SLCO1C1: variants seen among roughly 807,000 people sequenced by gnomAD.
SLCO1C1 encodes solute carrier organic anion transporter family member 1C1.
SLCO1C1 carries 70 observed loss-of-function variants against 76.4 expected under a neutral mutation model. That is an observed-to-expected ratio of 0.92 (90% CI 0.76 to 1.12). The LOEUF is 1.12. Ranked by LOEUF, SLCO1C1 falls within the 50% of genes most tolerant of loss-of-function variation. The pLI is 0.00. For synonymous variants in SLCO1C1, 306 were observed against 286.1 expected (o/e 1.07, Z -0.70); for missense variants, 912 against 823.8 (o/e 1.11, Z -1.31).
At chr12:20,735,469 TC>T (rs1270544836) in intron 10 of SLCO1C1, among the ~76,000 whole-genome samples, 21 of 152,166 alleles carry the variant, frequency 1.4e-4, no homozygotes, top group Non-Finnish European at 2.1e-4. Context: ...CCTTCTATAA[TC>T]TCAGCCCTAC....
At chr12:20,722,943 A>G (rs1264078428) in intron 8 of SLCO1C1, 147 bp from the exon 9 acceptor site, 1 of 664,280 alleles carries the variant, frequency 1.5e-6, no homozygotes, top group Middle Eastern at 4.1e-4. Flanking sequence ...GGCTTACTAT[A>G]TACATAGTGT....
chr12:20,737,268 A>G lies in SLCO1C1; in HGVS notation c.1544A>G (p.Asn515Ser). 6.4e-7 allele frequency: 1 copy of G among 1,555,492 alleles called. No homozygotes were observed. Among genetic ancestry groups the G allele is most frequent in the East Asian group, 2.5e-5 (1 of 40,732 alleles). The stretch of plus-strand genomic sequence containing the variant: ...CAAACCTCCAACAGGAGTGGAAAAA[A>G]TATTGTAAGAAATCACCTCTCAAGT... ...GCQTSNRSGK[N>S]IIFYNCTCVG... Residue 515 changes from asparagine (N) to serine (S), a missense_variant, in exon 11 of 15, where the codon AAT (asparagine) becomes AGT (serine). Asn to Ser is a conservative substitution (Grantham distance 46). Coordinates refer to ENST00000266509, the MANE Select transcript of SLCO1C1 (RefSeq NM_017435.5).
intron 3 of SLCO1C1, among the ~76,000 whole-genome samples, chr12:20,702,632 C>G (rs1002583210): frequency 1.3e-5 from 2 of 151,828 alleles, no homozygotes; most frequent in East Asian, 3.9e-4. Flanking sequence ...ATGTAATTTG[C>G]TTAGATTGGC....
intron 1 of SLCO1C1, among the ~76,000 whole-genome samples, chr12:20,697,743 A>C (rs1260275377): frequency 2.0e-5 from 3 of 152,130 alleles, no homozygotes; most frequent in Non-Finnish European, 2.9e-5. Context: ...CTTTTAGAAT[A>C]ATTCTAATCA....
intron 13 of SLCO1C1, among the ~76,000 whole-genome samples, chr12:20,746,207 A>T (rs142449318): frequency 1.3e-5 from 2 of 152,312 alleles, no homozygotes; most frequent in East Asian, 3.9e-4. Flanking sequence ...ATTGAAACTC[A>T]AAATAGTAGC....
At chr12:20,741,819 T>C (rs1049481397) in intron 12 of SLCO1C1, among the ~76,000 whole-genome samples, 7 of 152,190 alleles carry the variant, frequency 4.6e-5, no homozygotes, top group African/African-American at 1.7e-4. Flanking sequence ...CTTAAAATAA[T>C]AAAAATTTTG....
chr12:20,726,461 C>T (rs1338464835), intron 9 of SLCO1C1, among the ~76,000 whole-genome samples: 1 of 152,016 alleles, frequency 6.6e-6, no homozygotes, highest in Non-Finnish European at 1.5e-5. Flanking sequence ...AAATGTTAGC[C>T]ACATTCTTTC....
chr12:20,715,756 A>G (rs996506615), intron 6 of SLCO1C1, among the ~76,000 whole-genome samples: 1 of 152,220 alleles, frequency 6.6e-6, no homozygotes, highest in African/African-American at 2.4e-5. Context: ...TTGAGATCTC[A>G]AAAGCAGGTA....
chr12:20,743,453 A>G, intron 13 of SLCO1C1, 84 bp downstream of exon 13: 1 of 1,090,178 alleles, frequency 9.2e-7, no homozygotes, highest in Middle Eastern at 2.4e-4. Context: ...CAGAATTGCC[A>G]TGCATAAATA....
intron 6 of SLCO1C1, among the ~76,000 whole-genome samples, chr12:20,715,744 TC>T (rs1429997386): frequency 6.6e-6 from 1 of 152,102 alleles, no homozygotes; most frequent in African/African-American, 2.4e-5. Context: ...CAACAAGAAA[TC>T]TTGAGATCTC....
chr12:20,721,841 A>C lies in SLCO1C1; in HGVS notation c.813A>C (p.Val271=). The C allele has an allele frequency of 6.2e-7, 1 of 1,614,180 alleles. No individual in the cohort carries two copies. Among genetic ancestry groups the C allele is most frequent in the East Asian group, 2.2e-5 (1 of 44,868 alleles). ...TTACCCCAAAAGATCCCCAGTGGGT[A>C]GGAGCCTGGTGGCTTGGCTATCTAA... ...ITITPKDPQW[V]GAWWLGYLIA... Residue 271 remains valine (V), a synonymous_variant, in exon 8 of 15, where the codon GTA becomes GTC. Coordinates refer to ENST00000266509, the MANE Select transcript of SLCO1C1 (RefSeq NM_017435.5).
At chr12:20,701,566 T>TCTATTC in intron 3 of SLCO1C1, 107 bp downstream of exon 3, 1 of 679,622 alleles carries the variant, frequency 1.5e-6, no homozygotes, top group Non-Finnish European at 2.0e-6. Context: ...ACTCTATTCA[T>TCTATTC]AAAATCTTTT....
At chr12:20,708,212 A>G (rs1466158537) in intron 4 of SLCO1C1, among the ~76,000 whole-genome samples, 2 of 152,162 alleles carry the variant, frequency 1.3e-5, no homozygotes, top group African/African-American at 4.8e-5. Context: ...AAAGCTATTA[A>G]TCATGGATAG....
rs773256210 is a variant in SLCO1C1, at chr12:20,740,350, G to T, written c.1715G>T (p.Gly572Val). 6.2e-7 allele frequency: 1 copy of T among 1,613,010 alleles called. No homozygotes were observed. Among genetic ancestry groups the T allele is most frequent in the South Asian group, 1.1e-5 (1 of 90,892 alleles). The change falls in exon 12 of 15, where the codon GGA becomes GTA. Residue 572 changes from glycine (G) to valine (V), a missense_variant. Coordinates refer to ENST00000266509, the MANE Select transcript of SLCO1C1 (RefSeq NM_017435.5). ...SYTLSLGGIP[G>V]YILLLRCIKP... The stretch of plus-strand genomic sequence containing the variant: ...ACTTTATCCCTAGGTGGCATACCTG[G>T]ATACATATTACTTCTGAGGTGAGTA...
At chr12:20,721,688 A>T in intron 7 of SLCO1C1, 116 bp from the exon 8 acceptor site, 1 of 1,267,252 alleles carries the variant, frequency 7.9e-7, no homozygotes, top group Non-Finnish European at 1.1e-6. Context: ...AGCATAGATG[A>T]ATTATTAGGT....
intron 10 of SLCO1C1, among the ~76,000 whole-genome samples, chr12:20,733,784 T>C (rs1226453145): frequency 6.6e-6 from 1 of 152,156 alleles, no homozygotes; most frequent in African/African-American, 2.4e-5. Context: ...AGGCCTCTCA[T>C]CTTGTATGGG....
At chr12:20,750,410 T>C (rs1487916654) in intron 13 of SLCO1C1, among the ~76,000 whole-genome samples, 1 of 152,174 alleles carries the variant, frequency 6.6e-6, no homozygotes, top group Non-Finnish European at 1.5e-5. Context: ...GACAGGTCTA[T>C]AGGGGAAGAA....
At position 20,711,457 on chromosome 12, in the gene SLCO1C1, G is replaced by A; in HGVS notation, c.476G>A (p.Ser159Asn). The A allele has an allele frequency of 6.2e-7, 1 of 1,613,956 alleles. No individual in the cohort carries two copies. ...ATCTCTCCGTGTCTCCTAGAGTCAA[G>A]CAGTCAATTACCAGTTTCAGTTATG... ...LSISPCLLES[S>N]SQLPVSVMEK... The change falls in exon 5 of 15, where the codon AGC becomes AAC. Residue 159 changes from serine (S) to asparagine (N), a missense_variant. By Grantham distance (46) the Ser-to-Asn change is conservative. Transcript: ENST00000266509.
chr12:20,720,540 C>A (rs766489596), intron 7 of SLCO1C1, among the ~76,000 whole-genome samples: 14 of 152,174 alleles, frequency 9.2e-5, no homozygotes, highest in Non-Finnish European at 1.6e-4. Flanking sequence ...AAAATATCCA[C>A]ATTAGCAAGA....
Sources: gnomAD v4.1 joint callset for allele counts (sites outside exome capture counted in the v4.1 genomes callset) on GRCh38, gnomAD v4.1.1 for gene constraint, MANE v1.5 for transcripts, NCBI Gene and HGNC (gene_info 2026-07-23, HGNC 2026-07-21) for gene names.